Variants in SLC9A9 observed in about 807,000 individuals in gnomAD.
SLC9A9 encodes the protein sodium/hydrogen exchanger 9.
A neutral mutation model predicts 77.8 loss-of-function variants in SLC9A9; 62 were observed. The observed-to-expected ratio is 0.80, with a 90% confidence interval of 0.65 to 0.98. The LOEUF (loss-of-function observed/expected upper bound fraction) is 0.98, where lower values mean the gene tolerates loss of function less well. SLC9A9 is among the 50% of genes least tolerant of loss of function. The pLI is 0.00. For synonymous variants in SLC9A9, 320 were observed against 283.5 expected (o/e 1.13, Z -1.29); for missense variants, 775 against 774.9 (o/e 1.00, Z 0.00).
chr3:143,292,585 T>C (rs2030058574), intron 14 of SLC9A9, among the ~76,000 whole-genome samples: 2 of 152,128 alleles, frequency 1.3e-5, no homozygotes, highest in African/African-American at 4.8e-5. Flanking sequence ...CTGGAGGTTG[T>C]CCTAGAGCTA....
At chr3:143,537,361 G>A (rs1376951610) in intron 9 of SLC9A9, among the ~76,000 whole-genome samples, 1 of 152,194 alleles carries the variant, frequency 6.6e-6, no homozygotes, top group African/African-American at 2.4e-5. Context: ...GGTGGCATGT[G>A]TTGTCAGAGC....
chr3:143,317,655 T>A (rs186601518), intron 14 of SLC9A9, among the ~76,000 whole-genome samples: 1 of 41,922 alleles, frequency 2.4e-5, no homozygotes, highest in African/African-American at 1.5e-4. Context: ...AATTTCCTTA[T>A]GTATTTCTCA....
chr3:143,597,673 GGACCCCAGGATCT>G (rs1017326911), intron 6 of SLC9A9, among the ~76,000 whole-genome samples: 1 of 152,226 alleles, frequency 6.6e-6, no homozygotes, highest in African/African-American at 2.4e-5. Context: ...GTGTGGACCT[GGACCCCAGGATCT>G]GACAGCCATG....
intron 12 of SLC9A9, among the ~76,000 whole-genome samples, chr3:143,401,485 T>C (rs1166821606): frequency 6.6e-6 from 1 of 152,204 alleles, no homozygotes; most frequent in Non-Finnish European, 1.5e-5. Context: ...TAGAAAGCTA[T>C]TCACATTAGT....
At chr3:143,367,965 C>A (rs1163728678) in intron 13 of SLC9A9, among the ~76,000 whole-genome samples, 1 of 152,138 alleles carries the variant, frequency 6.6e-6, no homozygotes, top group African/African-American at 2.4e-5. Flanking sequence ...AATGCCAACT[C>A]TGAGCCTCAT....
At chr3:143,590,051 A>T (rs1236319153) in intron 6 of SLC9A9, among the ~76,000 whole-genome samples, 2 of 151,970 alleles carry the variant, frequency 1.3e-5, no homozygotes, top group Non-Finnish European at 2.9e-5. Context: ...CTTAATGGAG[A>T]CCTCTCCTCT....
At chr3:143,811,866 GAAAA>G (rs201760210) in intron 2 of SLC9A9, 1 of 197,844 alleles carries the variant, frequency 5.1e-6, no homozygotes, top group Non-Finnish European at 1.0e-5. Flanking sequence ...TGTCTAAAAA[GAAAA>G]AAAAAAAAGA....
intron 6 of SLC9A9, among the ~76,000 whole-genome samples, chr3:143,651,489 C>A (rs1173940043): frequency 6.6e-6 from 1 of 152,188 alleles, no homozygotes; most frequent in Non-Finnish European, 1.5e-5. Context: ...AAGTAATTAA[C>A]ACCCAGAATA....
chr3:143,415,166 T>C (rs1230679389), intron 12 of SLC9A9, among the ~76,000 whole-genome samples: 2 of 152,190 alleles, frequency 1.3e-5, no homozygotes, highest in Non-Finnish European at 2.9e-5. Flanking sequence ...AGAAGCTAGC[T>C]CATAAGGTTT....
chr3:143,441,347 A>G (rs2034730749), intron 12 of SLC9A9, among the ~76,000 whole-genome samples: 1 of 152,128 alleles, frequency 6.6e-6, no homozygotes, highest in Non-Finnish European at 1.5e-5. Flanking sequence ...TATGCCAGGG[A>G]GGGTGGGAAG....
At position 143,610,222 on chromosome 3, in the gene SLC9A9, C is replaced by T. The variant is rs77510204; in HGVS notation, c.756-31499G>A. On this transcript the variant is annotated intron_variant, in intron 6 of 15. Coordinates refer to ENST00000316549, the MANE Select transcript of SLC9A9 (RefSeq NM_173653.4). ...GGAGTGCAGTGAGGCAATCATGGCT[C>T]ACTGCAGCCTTGATCTCCCAGGCTC... Among the ~76,000 whole-genome samples the T allele has an allele frequency of 4.3e-3, 652 of 152,136 alleles. 19 individuals are homozygous for T. The East Asian group carries it at 0.077, about 18-fold the overall frequency.
chr3:143,606,458 A>ATATATATATATATATG (rs1268409935), intron 6 of SLC9A9, among the ~76,000 whole-genome samples: 2 of 144,486 alleles, frequency 1.4e-5, no homozygotes, highest in African/African-American at 2.5e-5. Flanking sequence ...ATATATATAT[A>ATATATATATATATATG]TATGTATATA....
At chr3:143,836,228 C>T (rs1413014814) in intron 1 of SLC9A9, among the ~76,000 whole-genome samples, 3 of 152,246 alleles carry the variant, frequency 2.0e-5, no homozygotes, top group Non-Finnish European at 4.4e-5. Context: ...TTGAACCACA[C>T]ACTTTAGAAA....
intron 12 of SLC9A9, among the ~76,000 whole-genome samples, chr3:143,386,837 A>T (rs964928748): frequency 4.6e-5 from 7 of 152,078 alleles, no homozygotes; most frequent in African/African-American, 1.2e-4. Flanking sequence ...TGATTTTTTT[A>T]AAATTTATTT....
rs968696827 is a variant in SLC9A9 at position 143,287,165 on chromosome 3, C to T, written c.1605-18185G>A. Among the ~76,000 whole-genome samples, 10 of 151,952 alleles carry T rather than the reference C, an allele frequency of 6.6e-5. No homozygotes were observed. In the East Asian group the frequency reaches 1.9e-3, roughly 29 times the overall value. ...ATAACTGCTGGCAAGTGGGGAAGGC[C>T]CAAGAATGCTCAGCAAGACAGCTCA... On this transcript the variant is annotated intron_variant, in intron 14 of 15. Transcript: ENST00000316549.
intron 14 of SLC9A9, among the ~76,000 whole-genome samples, chr3:143,327,449 A>T (rs1250351140): frequency 1.3e-5 from 2 of 152,212 alleles, no homozygotes; most frequent in Non-Finnish European, 2.9e-5. Flanking sequence ...GTTTTAATTC[A>T]AGAGGAAAAG....
chr3:143,330,986 C>G (rs2031748819), intron 14 of SLC9A9, among the ~76,000 whole-genome samples: 1 of 152,182 alleles, frequency 6.6e-6, no homozygotes, highest in Non-Finnish European at 1.5e-5. Context: ...AATCTTAACT[C>G]TTTGTGAATC....
At chr3:143,394,540 T>C (rs757782715) in intron 12 of SLC9A9, among the ~76,000 whole-genome samples, 9 of 152,100 alleles carry the variant, frequency 5.9e-5, no homozygotes, top group South Asian at 4.1e-4. Flanking sequence ...TGAAAACTGC[T>C]ACAAGACAGG....
intron 4 of SLC9A9, among the ~76,000 whole-genome samples, chr3:143,703,001 T>C (rs922095465): frequency 5.9e-5 from 9 of 151,972 alleles, no homozygotes; most frequent in Non-Finnish European, 1.2e-4. Flanking sequence ...GATAAAGGAG[T>C]AAATTTAGCA....
Sources: allele counts gnomAD v4.1 joint callset (sites outside exome capture counted in the v4.1 genomes callset), GRCh38; gene constraint gnomAD v4.1.1; transcripts MANE v1.5; gene names NCBI Gene and HGNC (gene_info 2026-07-23, HGNC 2026-07-21).